SHANK2: variants seen among roughly 807,000 people sequenced by gnomAD.
SHANK2 encodes SH3 and multiple ankyrin repeat domains protein 2.
Under a neutral mutation model 133.7 loss-of-function variants are expected in SHANK2, and 43 were observed. The ratio of observed to expected loss-of-function variants is 0.32; its 90% CI spans 0.25 to 0.41. SHANK2 has a LOEUF of 0.41. Ranked by LOEUF, SHANK2 falls within the 10% of genes least tolerant of loss-of-function variation. The pLI, the probability that SHANK2 is intolerant of heterozygous loss-of-function variation, is 1.00. For missense variants in SHANK2, 1,994 were observed against 2,235.8 expected (o/e 0.89, Z 2.18); for synonymous variants, 1,017 against 952.8 (o/e 1.07, Z -1.24).
intron 17 of SHANK2, among the ~76,000 whole-genome samples, chr11:70,590,164 C>T (rs1439695521): frequency 1.3e-5 from 2 of 151,990 alleles, no homozygotes; most frequent in South Asian, 4.2e-4. Context: ...TCTGTCTAAA[C>T]AAACAAACAA....
chr11:70,489,433 C>G, intron 23 of SHANK2, 85 bp from the exon 24 acceptor site: 1 of 1,348,618 alleles, frequency 7.4e-7, no homozygotes, highest in Non-Finnish European at 1.1e-6. Context: ...GCAGGGGGAG[C>G]TTTAAGCACA....
chr11:71,223,028 G>A (rs1275361567), intron 2 of SHANK2, among the ~76,000 whole-genome samples: 1 of 152,228 alleles, frequency 6.6e-6, no homozygotes, highest in African/African-American at 2.4e-5. Context: ...GTCCACATCT[G>A]GGAGGTGAGT....
At chr11:70,512,948 G>C (rs1392569213) in intron 17 of SHANK2, among the ~76,000 whole-genome samples, 3 of 151,878 alleles carry the variant, frequency 2.0e-5, no homozygotes, top group African/African-American at 7.2e-5. Context: ...TTGAGGTTGG[G>C]GAATAAGGTA....
intron 17 of SHANK2, among the ~76,000 whole-genome samples, chr11:70,636,039 G>T (rs1039370206): frequency 1.3e-5 from 2 of 152,216 alleles, no homozygotes; most frequent in African/African-American, 4.8e-5. Context: ...CCCGGTGCCC[G>T]GCCCACCCTC....
chr11:71,102,389 A>C (rs1555096807), intron 6 of SHANK2, among the ~76,000 whole-genome samples: 1 of 152,116 alleles, frequency 6.6e-6, no homozygotes, highest in Non-Finnish European at 1.5e-5. Context: ...CTGGGATTTA[A>C]TTATCTCAGG....
intron 13 of SHANK2, among the ~76,000 whole-genome samples, chr11:70,805,821 A>T (rs1948146431): frequency 6.6e-6 from 1 of 152,252 alleles, no homozygotes; most frequent in African/African-American, 2.4e-5. Context: ...AGCTACAGGG[A>T]CATTTCAAAG....
chr11:70,584,004 G>A (rs2060216800), intron 17 of SHANK2, among the ~76,000 whole-genome samples: 1 of 152,126 alleles, frequency 6.6e-6, no homozygotes, highest in South Asian at 2.1e-4. Context: ...TGACCACCGT[G>A]CATGACTCTG....
chr11:71,056,386 C>A (rs1950920410), intron 10 of SHANK2, 95 bp downstream of exon 10: 1 of 152,240 alleles, frequency 6.6e-6, no homozygotes, highest in Non-Finnish European at 1.5e-5. Flanking sequence ...AACGAGCCGA[C>A]CTCATGTCAC....
intron 14 of SHANK2, chr11:70,705,237 T>G (rs1454940234): frequency 6.6e-6 from 1 of 152,268 alleles, no homozygotes; most frequent in East Asian, 1.9e-4. Flanking sequence ...TTGTGATCAA[T>G]GAGTTGTAAA....
chr11:70,502,785 G>GGGGCATGTACCTTTC lies in SHANK2; in HGVS notation c.2193_2197+10dup, dbSNP rs1555159112. 13 of 1,591,572 alleles carry GGGGCATGTACCTTTC rather than the reference G, an allele frequency of 8.2e-6. No individual in the cohort carries two copies. Among genetic ancestry groups the GGGGCATGTACCTTTC allele is most frequent in the Non-Finnish European group, 1.1e-5 (13 of 1,170,348 alleles). Reference sequence around the variant, plus strand: ...GCCCCAGGCTGGAGCTGGGCGATGTGGGGCATGTACCTTTCTTCCTGGCGG... The same window carrying GGGGCATGTACCTTTC: ...GCCCCAGGCTGGAGCTGGGCGATGTGGGGCATGTACCTTTCGGGCATGTACCTTTCTTCCTGGCGG... On this transcript the variant is annotated intron_variant, in intron 18 of 25. Coordinates refer to ENST00000601538, the MANE Select transcript of SHANK2 (RefSeq NM_012309.5).
intron 17 of SHANK2, chr11:70,654,478 T>C (rs1424796254): frequency 1.3e-5 from 2 of 152,102 alleles, no homozygotes; most frequent in African/African-American, 4.8e-5. Context: ...CACCTAGGGG[T>C]TAATATTTCC....
intron 9 of SHANK2, among the ~76,000 whole-genome samples, chr11:71,073,147 CTTTTTTTTCTTTTTTTTCTTTT>C (rs1171282098): frequency 0.057 from 3,565 of 62,770 alleles, 323 homozygotes; most frequent in Admixed American, 0.3. Flanking sequence ...TTTTTCTTTT[CTTTTTTTTCTTTTTTTTCTTTT>C]TTTTTTTGAG....
At chr11:70,866,238 C>T (rs1435710349) in intron 11 of SHANK2, among the ~76,000 whole-genome samples, 2 of 152,140 alleles carry the variant, frequency 1.3e-5, no homozygotes, top group African/African-American at 4.8e-5. Flanking sequence ...GCTCCCCTGC[C>T]ATCAGAAGGC....
intron 10 of SHANK2, among the ~76,000 whole-genome samples, chr11:70,953,539 G>C (rs965910234): frequency 6.6e-6 from 1 of 152,110 alleles, no homozygotes; most frequent in African/African-American, 2.4e-5. Context: ...AAACAACTTG[G>C]AGTCTGCTGT....
intron 11 of SHANK2, among the ~76,000 whole-genome samples, chr11:70,845,187 A>G (rs1466797903): frequency 7.1e-6 from 1 of 141,192 alleles, no homozygotes; most frequent in Non-Finnish European, 1.5e-5. Context: ...TGACAGAGCA[A>G]GACTCTGTCT....
intron 17 of SHANK2, among the ~76,000 whole-genome samples, chr11:70,576,224 G>C (rs1554984198): frequency 6.6e-6 from 1 of 152,148 alleles, no homozygotes; most frequent in Non-Finnish European, 1.5e-5. Flanking sequence ...GAGGCTGGGG[G>C]TACAGACACG....
chr11:71,109,612 C>T (rs907019857), intron 6 of SHANK2, among the ~76,000 whole-genome samples: 4 of 152,222 alleles, frequency 2.6e-5, no homozygotes, highest in Admixed American at 6.5e-5. Context: ...TACAAACATA[C>T]GTGTCTGTAA....
chr11:70,751,658 A>C (rs1946751023), intron 14 of SHANK2, among the ~76,000 whole-genome samples: 1 of 152,234 alleles, frequency 6.6e-6, no homozygotes, highest in Non-Finnish European at 1.5e-5. Flanking sequence ...GGTTGAAGTA[A>C]AAATTATTAT....
chr11:70,559,141 C>G (rs1193912347), intron 17 of SHANK2, among the ~76,000 whole-genome samples: 1 of 152,106 alleles, frequency 6.6e-6, no homozygotes, highest in African/African-American at 2.4e-5. Flanking sequence ...GCCTTAGCCT[C>G]CTGAGTCGCT....
Sources: gnomAD v4.1 joint callset for allele counts (sites outside exome capture counted in the v4.1 genomes callset) on GRCh38, gnomAD v4.1.1 for gene constraint, MANE v1.5 for transcripts, NCBI Gene and HGNC (gene_info 2026-07-23, HGNC 2026-07-21) for gene names.